Variants in GNB1 observed in about 807,000 individuals in gnomAD.
GNB1 encodes G protein subunit beta 1, also known as guanine nucleotide-binding protein G(I)/G(S)/G(T) subunit beta-1.
GNB1 carries 2 observed loss-of-function variants against 42.9 expected under a neutral mutation model. That is an observed-to-expected ratio of 0.05 (90% CI 0.02 to 0.15). The LOEUF is 0.15. GNB1 is among the 10% of genes least tolerant of loss of function. GNB1 has a pLI of 1.00. For synonymous variants in GNB1, 183 were observed against 174.7 expected (o/e 1.05, Z -0.38); for missense variants, 193 against 462.2 (o/e 0.42, Z 5.34).
chr1:1,885,883 G>A (rs1301056552), intron 1 of GNB1, among the ~76,000 whole-genome samples: 1 of 144,228 alleles, frequency 6.9e-6, no homozygotes, highest in Admixed American at 6.9e-5. Flanking sequence ...AAAAAAAAAA[G>A]CAAGCAAGCA....
intron 1 of GNB1, among the ~76,000 whole-genome samples, chr1:1,864,711 ACT>A (rs1168019236): frequency 6.6e-6 from 1 of 152,278 alleles, no homozygotes; most frequent in East Asian, 1.9e-4. Flanking sequence ...ACTAGTTTGT[ACT>A]CTGAGTAAAA....
intron 2 of GNB1, among the ~76,000 whole-genome samples, chr1:1,836,209 A>G (rs961781248): frequency 1.3e-5 from 2 of 152,116 alleles, no homozygotes; most frequent in African/African-American, 4.8e-5. Flanking sequence ...CTCACGCCCA[A>G]CAACGCTGGG....
rs537432215 is a variant in GNB1, at chr1:1,790,663, A to C, written c.498-67T>G. 9.0e-7 allele frequency: 1 copy of C among 1,115,994 alleles called. No homozygotes were observed. The highest frequency in any genetic ancestry group is 1.4e-6 in the Non-Finnish European group (1 of 739,914). 69.1% of individuals were successfully genotyped at this position (1,115,994 alleles called of 1,614,324 possible). On this transcript the variant is annotated intron_variant, in intron 8 of 11. Coordinates refer to ENST00000378609, the MANE Select transcript of GNB1 (RefSeq NM_002074.5). The surrounding 1 kb of genome is among the most constrained non-coding windows in gnomAD (Gnocchi z 5.4). ...TCTTGGGTGGCTAGTCATGTGACAG[A>C]CAATCTGTCCTTCAAACCACCCAGG... is the stretch of plus-strand genomic sequence containing the variant.
At chr1:1,820,884 G>C (rs532218244) in intron 3 of GNB1, among the ~76,000 whole-genome samples, 8 of 152,280 alleles carry the variant, frequency 5.3e-5, no homozygotes, top group African/African-American at 9.6e-5. Flanking sequence ...GCACTTTGCA[G>C]AACAGACACC....
At chr1:1,812,338 A>C (rs1045543529) in intron 5 of GNB1, among the ~76,000 whole-genome samples, 71 of 151,890 alleles carry the variant, frequency 4.7e-4, no homozygotes, top group African/African-American at 1.7e-3. Flanking sequence ...CTAGAACTTA[A>C]AGAAAAAAAA....
intron 2 of GNB1, among the ~76,000 whole-genome samples, chr1:1,830,983 G>T (rs904995885): frequency 1.3e-5 from 2 of 152,130 alleles, no homozygotes; most frequent in African/African-American, 4.8e-5. Context: ...GGCCAACGTG[G>T]TGAAACTCCG....
intron 1 of GNB1, among the ~76,000 whole-genome samples, chr1:1,856,582 G>A (rs1183736422): frequency 2.6e-5 from 4 of 152,002 alleles, no homozygotes; most frequent in Non-Finnish European, 2.9e-5. Context: ...CACGCGCTAC[G>A]ACGCCCAGCT....
At chr1:1,846,806 T>TC (rs1160163722) in intron 1 of GNB1, among the ~76,000 whole-genome samples, 1 of 152,108 alleles carries the variant, frequency 6.6e-6, no homozygotes, top group African/African-American at 2.4e-5. Context: ...GCAATCCTCC[T>TC]CCCTTGGCCT....
At chr1:1,888,854 G>A (rs1163928255) in intron 1 of GNB1, among the ~76,000 whole-genome samples, 1 of 152,062 alleles carries the variant, frequency 6.6e-6, no homozygotes, top group Non-Finnish European at 1.5e-5. Flanking sequence ...AGTAAAGAAA[G>A]TTCTGCCTTA....
At chr1:1,887,059 G>A (rs77980470) in intron 1 of GNB1, among the ~76,000 whole-genome samples, 2,228 of 152,244 alleles carry the variant, frequency 0.015, 20 homozygotes, top group Non-Finnish European at 0.024. Flanking sequence ...TGTCTTGTGA[G>A]ACTTACACTA....
At chr1:1,870,733 A>G (rs6666068) in intron 1 of GNB1, among the ~76,000 whole-genome samples, 126,387 of 152,034 alleles carry the variant, frequency 0.83, 54,496 homozygotes, top group Non-Finnish European at 0.95. Flanking sequence ...TCAGGAGTTC[A>G]AGACCAGCCT....
chr1:1,839,143 T>C (rs956679985), intron 2 of GNB1, 47 bp downstream of exon 2: 4 of 152,172 alleles, frequency 2.6e-5, no homozygotes, highest in Non-Finnish European at 5.9e-5. Flanking sequence ...AAGAAATTTA[T>C]ATATTGTCTT....
At chr1:1,825,104 C>A in intron 3 of GNB1, 2 of 304,482 alleles carry the variant, frequency 6.6e-6, no homozygotes, top group Non-Finnish European at 1.2e-5. Flanking sequence ...ATCAGTGGCC[C>A]AGGGTATCAC....
intron 1 of GNB1, among the ~76,000 whole-genome samples, chr1:1,855,499 A>G (rs1313796006): frequency 1.3e-5 from 2 of 152,164 alleles, no homozygotes; most frequent in East Asian, 3.9e-4. Context: ...CAGGAGATCA[A>G]GACCATCCTG....
At chr1:1,814,809 A>AG (rs1176293091) in intron 5 of GNB1, among the ~76,000 whole-genome samples, 4 of 142,616 alleles carry the variant, frequency 2.8e-5, no homozygotes, top group Non-Finnish European at 4.7e-5. Context: ...AAAAAAAAAA[A>AG]AAAAAAAAAA....
chr1:1,825,567 G>C, intron 2 of GNB1, 68 bp from the exon 3 acceptor site: 2 of 897,046 alleles, frequency 2.2e-6, no homozygotes, highest in Non-Finnish European at 3.7e-6. Context: ...GGTGAGAAAA[G>C]TAAATTGAAA....
chr1:1,879,915 A>G (rs1174789235), intron 1 of GNB1, among the ~76,000 whole-genome samples: 1 of 152,010 alleles, frequency 6.6e-6, no homozygotes, highest in East Asian at 1.9e-4. Context: ...GGAAAAAGAA[A>G]AGAGCTGTTT....
At chr1:1,864,682 T>A (rs16824505) in intron 1 of GNB1, among the ~76,000 whole-genome samples, 66 of 152,034 alleles carry the variant, frequency 4.3e-4, no homozygotes, top group African/African-American at 1.3e-3. Context: ...AAAAACCCAG[T>A]ATACGAAAGA....
intron 1 of GNB1, among the ~76,000 whole-genome samples, chr1:1,881,806 C>G (rs958662846): frequency 2.6e-5 from 4 of 152,154 alleles, no homozygotes; most frequent in Non-Finnish European, 5.9e-5. Context: ...TGCTCTTATG[C>G]GCTTGATAAA....
Sources: allele counts gnomAD v4.1 joint callset (sites outside exome capture counted in the v4.1 genomes callset), GRCh38; gene constraint gnomAD v4.1.1; non-coding constraint Gnocchi (gnomAD v3.1); transcripts MANE v1.5; gene names NCBI Gene and HGNC (gene_info 2026-07-23, HGNC 2026-07-21).